HIP1: variants seen among roughly 807,000 people sequenced by gnomAD.
HIP1 encodes the protein huntingtin-interacting protein 1.
A neutral mutation model predicts 147.6 loss-of-function variants in HIP1; 65 were observed. The ratio of observed to expected loss-of-function variants is 0.44; its 90% CI spans 0.36 to 0.54. HIP1 has a LOEUF of 0.54. Ranked by LOEUF, HIP1 falls within the 20% of genes least tolerant of loss-of-function variation. The pLI, the probability that HIP1 is intolerant of heterozygous loss-of-function variation, is 0.00. For synonymous variants in HIP1, 479 were observed against 504.0 expected, an observed-to-expected ratio of 0.95 and a Z score of 0.67; for missense variants, 1,061 against 1,299.6, an observed-to-expected ratio of 0.82 and a Z score of 2.82.
At chr7:75,636,367 AT>A (rs1388248756) in intron 1 of HIP1, among the ~76,000 whole-genome samples, 1 of 150,720 alleles carries the variant, frequency 6.6e-6, no homozygotes, top group African/African-American at 2.4e-5. Context: ...AAAAAAAAAA[AT>A]CACGCAGAAT....
intron 1 of HIP1, among the ~76,000 whole-genome samples, chr7:75,723,073 C>G (rs1801546576): frequency 6.6e-6 from 1 of 152,166 alleles, no homozygotes; most frequent in Non-Finnish European, 1.5e-5. Flanking sequence ...TTTTCTATCA[C>G]TGTTGTAACA....
At chr7:75,591,123 C>T (rs1554500659) in intron 4 of HIP1, among the ~76,000 whole-genome samples, 1 of 151,872 alleles carries the variant, frequency 6.6e-6, no homozygotes, top group Non-Finnish European at 1.5e-5. Flanking sequence ...ACCTTCGCCT[C>T]CTAGGTTCAA....
chr7:75,617,317 G>C (rs981868090), intron 1 of HIP1, among the ~76,000 whole-genome samples: 1 of 151,958 alleles, frequency 6.6e-6, no homozygotes, highest in Non-Finnish European at 1.5e-5. Context: ...GACCTCAGGT[G>C]ATCCTCCTGC....
intron 1 of HIP1, among the ~76,000 whole-genome samples, chr7:75,606,803 C>T (rs1426264203): frequency 6.6e-6 from 1 of 152,094 alleles, no homozygotes; most frequent in Non-Finnish European, 1.5e-5. Flanking sequence ...GTGCTTAGAC[C>T]AGGCCCCTTT....
At chr7:75,571,891 A>T (rs1172291248) in intron 8 of HIP1, among the ~76,000 whole-genome samples, 2 of 152,054 alleles carry the variant, frequency 1.3e-5, no homozygotes, top group African/African-American at 4.8e-5. Context: ...CCCCAGACAC[A>T]TCATTTTAAA....
In HIP1 at chr7:75,596,858, C is replaced by A. The variant is rs139553915; in HGVS notation, c.184+2326G>T. On this transcript the variant is annotated intron_variant, in intron 2 of 30. Transcript: ENST00000336926. ...CCTCCCGGCAGCATGTGACCTGACC[C>A]TGCCGCTGCAGGCCTGGCCTCTCTG... 3.8e-3 allele frequency among the ~76,000 whole-genome samples: 579 copies of A among 152,334 alleles called. 3 individuals carry two copies. Among genetic ancestry groups the A allele is most frequent in the African/African-American group, 0.013 (553 of 41,572 alleles).
intron 1 of HIP1, among the ~76,000 whole-genome samples, chr7:75,607,269 G>A (rs1312232685): frequency 7.7e-6 from 1 of 130,170 alleles, no homozygotes; most frequent in Non-Finnish European, 1.6e-5. Context: ...TTGCTCTGTT[G>A]CCCAGGCTGG....
rs1563304835 is a variant in HIP1, at chr7:75,706,482, T to TA, written c.120+32318dup. Among the ~76,000 whole-genome samples, 3 of 144,802 alleles carry TA rather than the reference T, an allele frequency of 2.1e-5. 1 individual carries two copies. The highest frequency in any genetic ancestry group is 4.3e-4 in the South Asian group (2 of 4,668). The allele number at this position is 144,802 out of a possible 152,430, so 95.0% of individuals were successfully genotyped here. On this transcript the variant is annotated intron_variant, in intron 1 of 30. Transcript: ENST00000336926. ...CATTTGTATATATCTTCTTTTTTTTTATTTTTTTTTTATTTTTTTATTTTT... is the reference window on the plus strand; with the variant it reads ...CATTTGTATATATCTTCTTTTTTTTTAATTTTTTTTTTATTTTTTTATTTTT...
At chr7:75,606,363 T>C (rs1467401614) in intron 1 of HIP1, among the ~76,000 whole-genome samples, 1 of 152,224 alleles carries the variant, frequency 6.6e-6, no homozygotes, top group Admixed American at 6.6e-5. Flanking sequence ...GCAGATCACC[T>C]GAGACCAGGA....
At chr7:75,682,244 C>A (rs942866863) in intron 1 of HIP1, among the ~76,000 whole-genome samples, 1 of 151,374 alleles carries the variant, frequency 6.6e-6, no homozygotes, top group South Asian at 2.1e-4. Context: ...GCATGAGTCA[C>A]CCCCACCAGC....
At chr7:75,718,187 A>T (rs1328561495) in intron 1 of HIP1, among the ~76,000 whole-genome samples, 1 of 151,836 alleles carries the variant, frequency 6.6e-6, no homozygotes, top group African/African-American at 2.4e-5. Context: ...AAAATTAAAA[A>T]TAAATAAATA....
In HIP1 at chr7:75,545,040, A is replaced by G. The variant is rs183614472; in HGVS notation, c.2660+48T>C. On this transcript the variant is annotated intron_variant, in intron 26 of 30. Coordinates refer to ENST00000336926, the MANE Select transcript of HIP1 (RefSeq NM_005338.7). ...CCTTAGCTATTGTTTGGAGTGGATC[A>G]ATGGAAGAGGGGTCATGGGAGGACC... is the stretch of plus-strand genomic sequence containing the variant. 185 of 1,106,746 alleles carry G rather than the reference A, an allele frequency of 1.7e-4. 1 individual carries two copies. Among genetic ancestry groups the G allele is most frequent in the Admixed American group, 1.3e-3 (60 of 46,002 alleles). 68.6% of individuals were successfully genotyped at this position (1,106,746 alleles called of 1,614,324 possible).
At chr7:75,565,136 G>T (rs1261718600) in intron 9 of HIP1, among the ~76,000 whole-genome samples, 3 of 152,044 alleles carry the variant, frequency 2.0e-5, no homozygotes, top group Non-Finnish European at 4.4e-5. Flanking sequence ...AAACCCCCAG[G>T]GTCTCGTTAC....
intron 1 of HIP1, among the ~76,000 whole-genome samples, chr7:75,645,794 A>G (rs1798782344): frequency 1.3e-5 from 2 of 152,244 alleles, no homozygotes; most frequent in South Asian, 4.1e-4. Flanking sequence ...TTGCAGCAAC[A>G]TGGATGCAGC....
In HIP1 at chr7:75,699,852, A is replaced by AT. The variant is rs201726642; in HGVS notation, c.120+38948dup. Among the ~76,000 whole-genome samples, 297 of 147,340 alleles carry AT rather than the reference A, an allele frequency of 2.0e-3. 2 individuals are homozygous for AT. The highest frequency in any genetic ancestry group is 5.8e-3 in the African/African-American group (236 of 40,394). Reference sequence around the variant, plus strand: ...CTGTGCAGCCACGGGAGCAGCACTGATTTTTTTTTTTCCTTTGAGACAGAG... The same window carrying AT: ...CTGTGCAGCCACGGGAGCAGCACTGATTTTTTTTTTTTCCTTTGAGACAGAG... On this transcript the variant is annotated intron_variant, in intron 1 of 30. Coordinates refer to ENST00000336926, the MANE Select transcript of HIP1 (RefSeq NM_005338.7).
At chr7:75,624,758 C>G (rs780508009) in intron 1 of HIP1, among the ~76,000 whole-genome samples, 2 of 152,102 alleles carry the variant, frequency 1.3e-5, no homozygotes, top group Non-Finnish European at 2.9e-5. Context: ...TAATTTGACC[C>G]TCATGCCTTC....
At chr7:75,639,679 G>T (rs1195810126) in intron 1 of HIP1, among the ~76,000 whole-genome samples, 5 of 151,918 alleles carry the variant, frequency 3.3e-5, no homozygotes, top group Non-Finnish European at 7.4e-5. Flanking sequence ...GTGAGCAGGG[G>T]AGGTGGTGAA....
chr7:75,595,231 T>TTCCTTCCTTCCTTCCTTC (rs1330202196), intron 2 of HIP1, among the ~76,000 whole-genome samples: 2 of 106,184 alleles, frequency 1.9e-5, no homozygotes, highest in South Asian at 3.4e-4. Context: ...TTTCTTTCTT[T>TTCCTTCCTTCCTTCCTTC]CTTTCTTTCT....
chr7:75,567,797 C>T (rs998126243), intron 9 of HIP1, among the ~76,000 whole-genome samples: 9 of 146,450 alleles, frequency 6.1e-5, no homozygotes, highest in Admixed American at 4.0e-4. Flanking sequence ...TAACCTCACG[C>T]CCACAAGTAT....
Sources: allele counts gnomAD v4.1 joint callset (sites outside exome capture counted in the v4.1 genomes callset), GRCh38; gene constraint gnomAD v4.1.1; transcripts MANE v1.5; gene names NCBI Gene and HGNC (gene_info 2026-07-23, HGNC 2026-07-21).